Variants in MTG1 observed in about 807,000 individuals in gnomAD.
MTG1 encodes the protein mitochondrial ribosome associated GTPase 1.
MTG1 carries 30 observed loss-of-function variants against 39.5 expected under a neutral mutation model. The ratio of observed to expected loss-of-function variants is 0.76; its 90% confidence interval spans 0.57 to 1.03. MTG1 has a LOEUF of 1.03. Ranked by LOEUF, MTG1 falls within the 50% of genes least tolerant of loss-of-function variation. The pLI is 0.00. For missense variants in MTG1, 513 were observed against 447.4 expected (o/e 1.15, Z -1.32); for synonymous variants, 217 against 179.0 (o/e 1.21, Z -1.69).
In MTG1 at chr10:133,402,084, C is replaced by T. The variant is rs1251256834; in HGVS notation, c.574-65C>T. On this transcript the variant is annotated intron_variant, in intron 7 of 10. Coordinates refer to ENST00000317502, the MANE Select transcript of MTG1 (RefSeq NM_138384.4). This position sits in a 1 kb window ranked among gnomAD's most constrained non-coding sequence, Gnocchi z 4.7. Reference sequence around the variant, plus strand: ...GGGTGCCAGGGGCTGCCCAGGCTTCCTGAGTGGCCCACCTGGGTGGGAGGC... The same window carrying T: ...GGGTGCCAGGGGCTGCCCAGGCTTCTTGAGTGGCCCACCTGGGTGGGAGGC... 1.0e-5 allele frequency: 16 copies of T among 1,602,814 alleles called. No homozygotes were observed. The highest frequency in any genetic ancestry group is 1.4e-5 in the Non-Finnish European group (16 of 1,172,652).
At chr10:133,411,293 A>G (rs2133508621) in intron 9 of MTG1, among the ~76,000 whole-genome samples, 1 of 152,196 alleles carries the variant, frequency 6.6e-6, no homozygotes, top group Non-Finnish European at 1.5e-5. Context: ...GTCTGTTGCC[A>G]GTTACATTGG....
At chr10:133,415,496 G>T (rs114120416) in intron 9 of MTG1, among the ~76,000 whole-genome samples, 1,760 of 152,222 alleles carry the variant, frequency 0.012, 41 homozygotes, top group African/African-American at 0.04. Flanking sequence ...TTTCTCACTT[G>T]CGTGGTGTCT....
intron 7 of MTG1, 29 bp downstream of exon 7, chr10:133,401,619 C>T (rs1389744132): frequency 8.7e-6 from 14 of 1,611,526 alleles, no homozygotes; most frequent in Non-Finnish European, 1.2e-5. Context: ...AGGCCCAGCA[C>T]TCTGTCAAGA....
At chr10:133,419,169 C>G (rs1247197253) in intron 9 of MTG1, among the ~76,000 whole-genome samples, 1 of 152,232 alleles carries the variant, frequency 6.6e-6, no homozygotes, top group African/African-American at 2.4e-5. Flanking sequence ...TGGATGAAGC[C>G]TGTGTGTGTG....
At position 133,394,281 on chromosome 10, in the gene MTG1, C is replaced by G; in HGVS notation, c.61C>G (p.Pro21Ala). The G allele has an allele frequency of 6.6e-7, 1 of 1,517,624 alleles. No individual in the cohort carries two copies. Among genetic ancestry groups the G allele is most frequent in the South Asian group, 1.2e-5 (1 of 82,016 alleles). 94.0% of individuals were successfully genotyped at this position (1,517,624 alleles called of 1,614,324 possible). The change falls in exon 1 of 11, where the codon CCC (proline) becomes GCC (alanine). Residue 21 changes from proline to alanine, a missense_variant. Pro to Ala is a conservative substitution (Grantham distance 27). Transcript: ENST00000317502. ...AAQAAWRENF[P>A]LCGRDVARWF... ...CCAGGCCGCCTGGCGGGAGAACTTC[C>G]CCCTGTGCGGTCGCGACGTGGCGCG...
chr10:133,396,078 A>G (rs1849778918), intron 2 of MTG1, 85 bp from the exon 3 acceptor site: 4 of 1,216,010 alleles, frequency 3.3e-6, no homozygotes, highest in Non-Finnish European at 4.9e-6. Context: ...AATTGGCAGG[A>G]TGTGATGATT....
intron 9 of MTG1, among the ~76,000 whole-genome samples, chr10:133,415,447 T>C (rs1850110861): frequency 6.6e-6 from 1 of 152,158 alleles, no homozygotes; most frequent in African/African-American, 2.4e-5. Context: ...AATTCCAGAT[T>C]GACGGGGTTT....
intron 6 of MTG1, 36 bp downstream of exon 6, chr10:133,399,655 T>G: frequency 6.2e-7 from 1 of 1,603,350 alleles, no homozygotes; most frequent in East Asian, 2.2e-5. Context: ...TCAGGAAAGG[T>G]ACTGGCGCGT....
At chr10:133,394,499 G>A in intron 1 of MTG1, 167 bp downstream of exon 1, 1 of 1,337,196 alleles carries the variant, frequency 7.5e-7, no homozygotes, top group Non-Finnish European at 9.5e-7. Flanking sequence ...TCCCGGAGCC[G>A]CCGGGACCCC....
intron 9 of MTG1, among the ~76,000 whole-genome samples, chr10:133,418,046 C>G (rs765798801): frequency 1.1e-4 from 17 of 152,190 alleles, no homozygotes; most frequent in Non-Finnish European, 1.6e-4. Context: ...GTCGCCCAGC[C>G]AGGCTACAGT....
At chr10:133,410,143 T>C (rs1435252685) in intron 9 of MTG1, among the ~76,000 whole-genome samples, 2 of 152,148 alleles carry the variant, frequency 1.3e-5, no homozygotes, top group African/African-American at 4.8e-5. Context: ...ACTCCTGGGC[T>C]CAAGCAGTCT....
In MTG1 at chr10:133,402,567, T is replaced by A; in HGVS notation, c.671-125T>A. The A allele has an allele frequency of 1.1e-6, 1 of 891,466 alleles. No homozygotes were observed. Among genetic ancestry groups the A allele is most frequent in the Non-Finnish European group, 1.7e-6 (1 of 576,846 alleles). The allele number at this position is 891,466 out of a possible 1,614,324, so 55.2% of individuals were successfully genotyped here. ...GCCGTCCTCTTGGTTAGTGTCTTTG[T>A]CAGTGGCTGGCCTCTTCCTCACGGC... On this transcript the variant is annotated intron_variant, in intron 8 of 10. Transcript: ENST00000317502. The surrounding 1 kb of genome is among the most constrained non-coding windows in gnomAD (Gnocchi z 4.7).
intron 9 of MTG1, among the ~76,000 whole-genome samples, chr10:133,406,112 CTTG>C (rs1023007011): frequency 6.6e-6 from 1 of 152,164 alleles, no homozygotes; most frequent in African/African-American, 2.4e-5. Context: ...TTTTCATACA[CTTG>C]TTGGCCATTT....
Position 133,420,962 on chromosome 10 carries a change from G to A in MTG1, c.*797G>A, listed in dbSNP as rs981419234. 2.0e-5 allele frequency: 3 copies of A among 152,422 alleles called. No homozygotes were observed. The highest frequency in any genetic ancestry group is 4.4e-5 in the Non-Finnish European group (3 of 68,152). The allele number at this position is 152,422 out of a possible 1,614,324, so 9.4% of individuals were successfully genotyped here. ...CCAGCCCCATTATAGTGCACCTGAA[G>A]GGGTCCACAGCCTGTGTCCTAGAAG... On this transcript the variant is annotated 3_prime_UTR_variant, in exon 11 of 11. Transcript: ENST00000317502.
rs1237869699 is a variant in MTG1, at chr10:133,402,781, C to T, written c.752+8C>T. 9 of 1,591,164 alleles carry T rather than the reference C, an allele frequency of 5.7e-6. No individual in the cohort carries two copies. The highest frequency in any genetic ancestry group is 1.8e-5 in the Admixed American group (1 of 56,468). Reference sequence around the variant, plus strand: ...CAAACACCAGCGCTTTGGGTGAGTGCAGTGAATGCAGGGCAGCTGGGGCCC... The same window carrying T: ...CAAACACCAGCGCTTTGGGTGAGTGTAGTGAATGCAGGGCAGCTGGGGCCC... On this transcript the variant is annotated splice_region_variant and intron_variant, in intron 9 of 10. Transcript: ENST00000317502. This position sits in a 1 kb window ranked among gnomAD's most constrained non-coding sequence, Gnocchi z 4.7.
At chr10:133,412,539 T>C (rs895636292) in intron 9 of MTG1, among the ~76,000 whole-genome samples, 3 of 152,238 alleles carry the variant, frequency 2.0e-5, no homozygotes, top group African/African-American at 7.2e-5. Context: ...GTTTTCTTGC[T>C]TTATTGCACT....
At chr10:133,416,539 G>T (rs57850156) in intron 9 of MTG1, among the ~76,000 whole-genome samples, 60,323 of 131,804 alleles carry the variant, frequency 0.46, 15,967 homozygotes, top group African/African-American at 0.74. Context: ...ATCTCCTAAT[G>T]CTATCCCTCC....
chr10:133,415,568 T>C (rs1850112400), intron 9 of MTG1, among the ~76,000 whole-genome samples: 1 of 152,082 alleles, frequency 6.6e-6, no homozygotes, highest in Non-Finnish European at 1.5e-5. Flanking sequence ...GTCTCCCTTT[T>C]TCACCTGCGT....
intron 3 of MTG1, among the ~76,000 whole-genome samples, 176 bp downstream of exon 3, chr10:133,396,443 C>T (rs1360242255): frequency 6.6e-6 from 1 of 152,138 alleles, no homozygotes; most frequent in Non-Finnish European, 1.5e-5. Context: ...TATGGCGTGC[C>T]CCCATCTAAT....
Sources: allele counts gnomAD v4.1 joint callset (sites outside exome capture counted in the v4.1 genomes callset), GRCh38; gene constraint gnomAD v4.1.1; non-coding constraint Gnocchi (gnomAD v3.1); transcripts MANE v1.5; gene names NCBI Gene and HGNC (gene_info 2026-07-23, HGNC 2026-07-21).